The following TMTC3 variants were observed in gnomAD, a reference collection of about 807,000 sequenced individuals.
TMTC3 encodes the protein protein O-mannosyl-transferase TMTC3.
TMTC3 carries 52 observed loss-of-function variants against 92.2 expected under a neutral mutation model. The ratio of observed to expected loss-of-function variants is 0.56; its 90% CI spans 0.45 to 0.71. The LOEUF (loss-of-function observed/expected upper bound fraction) is 0.71, where lower values mean the gene tolerates loss of function less well. Ranked by LOEUF, TMTC3 falls within the 30% of genes least tolerant of loss-of-function variation. The pLI is 0.00. For missense variants in TMTC3, 896 were observed against 1,057.1 expected, an observed-to-expected ratio of 0.85 and a Z score of 2.11; for synonymous variants, 339 against 363.3, an observed-to-expected ratio of 0.93 and a Z score of 0.76.
chr12:88,171,121 AT>A (rs1192647072), intron 7 of TMTC3, among the ~76,000 whole-genome samples: 1 of 152,066 alleles, frequency 6.6e-6, no homozygotes, highest in Non-Finnish European at 1.5e-5. Context: ...ACGACACCTG[AT>A]TTCATTCCCT....
intron 7 of TMTC3, among the ~76,000 whole-genome samples, chr12:88,168,594 A>G (rs1183570997): frequency 6.6e-6 from 1 of 152,142 alleles, no homozygotes; most frequent in Non-Finnish European, 1.5e-5. Context: ...ACTTTTTTGA[A>G]TGCGGATATC....
At position 88,195,525 on chromosome 12, in the gene TMTC3, T is replaced by G; in HGVS notation, c.2621T>G (p.Leu874Ter). Residue 874 changes from leucine (L) to a stop codon, truncating the protein, a stop_gained, in exon 14 of 14, where the codon TTA (leucine) becomes TGA (stop). Coordinates refer to ENST00000266712, the MANE Select transcript of TMTC3 (RefSeq NM_181783.4). LOFTEE classifies it high-confidence loss of function. ...AGTCAGTCTAAATCCAACAAACAAT[T>G]AGGAAAAAATGGAGACGAAGAGACA... The part of the protein sequence containing the change: ...NKSQSKSNKQ[L>*]GKNGDEETPH... 1 of 1,612,520 alleles carries G rather than the reference T, an allele frequency of 6.2e-7. No homozygotes were observed. The highest frequency in any genetic ancestry group is 8.5e-7 in the Non-Finnish European group (1 of 1,179,484).
At chr12:88,178,896 T>C (rs2041287646) in intron 10 of TMTC3, among the ~76,000 whole-genome samples, 1 of 152,208 alleles carries the variant, frequency 6.6e-6, no homozygotes, top group Non-Finnish European at 1.5e-5. Context: ...TAAGTGTGTG[T>C]GGGGTGTGTG....
chr12:88,143,034 T>G lies in TMTC3; in HGVS notation c.-29+547T>G, dbSNP rs1345447202. 2.0e-5 allele frequency among the ~76,000 whole-genome samples: 3 copies of G among 152,106 alleles called. No homozygotes were observed. The East Asian group carries it at 5.8e-4, about 29-fold the overall frequency. On this transcript the variant is annotated intron_variant, in intron 1 of 13. Coordinates refer to ENST00000266712, the MANE Select transcript of TMTC3 (RefSeq NM_181783.4). ...GTTTACCACTCTTACTCGTGCAAGT[T>G]TTGCTCATCCTGCTCGTCTGCTCAC...
intron 6 of TMTC3, among the ~76,000 whole-genome samples, chr12:88,165,474 C>CATTTATAA (rs2041133330): frequency 1.3e-5 from 2 of 151,798 alleles, no homozygotes; most frequent in South Asian, 4.1e-4. Flanking sequence ...ATTATTTGTT[C>CATTTATAA]AAATAGTATT....
intron 2 of TMTC3, among the ~76,000 whole-genome samples, chr12:88,152,909 A>G (rs1240234093): frequency 6.6e-6 from 1 of 152,154 alleles, no homozygotes; most frequent in East Asian, 1.9e-4. Context: ...CAGTAGTTAC[A>G]TGAACTTTTG....
intron 10 of TMTC3, among the ~76,000 whole-genome samples, chr12:88,185,772 A>C (rs555365531): frequency 6.6e-6 from 1 of 151,972 alleles, no homozygotes; most frequent in African/African-American, 2.4e-5. Flanking sequence ...GATTCTGTCA[A>C]ATGCTTTTGT....
At chr12:88,174,474 A>T in intron 8 of TMTC3, 133 bp from the exon 9 acceptor site, 1 of 1,057,640 alleles carries the variant, frequency 9.5e-7, no homozygotes, top group Non-Finnish European at 1.3e-6. Flanking sequence ...GGTGTTCATT[A>T]GAATGAATTA....
chr12:88,175,799 T>C (rs1180151419), intron 9 of TMTC3, among the ~76,000 whole-genome samples: 1 of 152,298 alleles, frequency 6.6e-6, no homozygotes, highest in Non-Finnish European at 1.5e-5. Context: ...TCTCAGGTTT[T>C]CCATTACCAT....
chr12:88,147,775 A>G (rs2040893442), intron 1 of TMTC3, among the ~76,000 whole-genome samples: 1 of 151,988 alleles, frequency 6.6e-6, no homozygotes, highest in Non-Finnish European at 1.5e-5. Context: ...GGTGAAAAAA[A>G]AAAGATTTTT....
intron 2 of TMTC3, among the ~76,000 whole-genome samples, chr12:88,149,990 G>A (rs1015017707): frequency 5.3e-5 from 8 of 152,038 alleles, no homozygotes; most frequent in African/African-American, 1.9e-4. Flanking sequence ...ATAATGTTGA[G>A]GTTTTGAACT....
In TMTC3 at chr12:88,153,276, G is replaced by A. The variant is rs376826681; in HGVS notation, c.190-15G>A. 89 of 1,591,470 alleles carry A rather than the reference G, an allele frequency of 5.6e-5. No individual in the cohort carries two copies. The highest frequency in any genetic ancestry group is 9.4e-5 in the African/African-American group (7 of 74,170). On this transcript the variant is annotated splice_polypyrimidine_tract_variant and intron_variant, in intron 2 of 13. Coordinates refer to ENST00000266712, the MANE Select transcript of TMTC3 (RefSeq NM_181783.4). ...CAAGGTACTTTAATAATCACTGATC[G>A]TTTTTTCCTTGTAGGAGAGAAGCCA...
At chr12:88,147,818 T>C (rs78850032) in intron 1 of TMTC3, among the ~76,000 whole-genome samples, 1 of 152,154 alleles carries the variant, frequency 6.6e-6, no homozygotes, top group Non-Finnish European at 1.5e-5. Flanking sequence ...ACCTTTTTTA[T>C]TTCCAGAAGC....
At chr12:88,147,976 A>G (rs933784940) in intron 1 of TMTC3, among the ~76,000 whole-genome samples, 3 of 152,068 alleles carry the variant, frequency 2.0e-5, no homozygotes, top group Admixed American at 2.0e-4. Context: ...TTTCCCTGTT[A>G]TCAGAGACCC....
At position 88,199,371 on chromosome 12, in the gene TMTC3, TATATG is replaced by T. The variant is rs2041555635; in HGVS notation, c.*3727_*3731del. On this transcript the variant is annotated 3_prime_UTR_variant, in exon 14 of 14. Transcript: ENST00000266712. ...AAATTGTGAAGAGGATTTATATATTTATATGATATATTGTATATATTAATATATTT... is the reference window on the plus strand; with the variant it reads ...AAATTGTGAAGAGGATTTATATATTTATATATTGTATATATTAATATATTT... The T allele has an allele frequency of 6.7e-6, 1 of 150,092 alleles. No individual in the cohort carries two copies. The highest frequency in any genetic ancestry group is 6.6e-5 in the Admixed American group (1 of 15,134). The allele number at this position is 150,092 out of a possible 1,614,324, so 9.3% of individuals were successfully genotyped here. A position where few individuals can be genotyped will look rare whatever the true frequency, so the allele number is the denominator to read the frequency against.
chr12:88,184,046 G>C (rs2041348216), intron 10 of TMTC3, among the ~76,000 whole-genome samples: 1 of 152,048 alleles, frequency 6.6e-6, no homozygotes, highest in Non-Finnish European at 1.5e-5. Context: ...TGCCGAGTCT[G>C]TCCCACAGAC....
intron 10 of TMTC3, among the ~76,000 whole-genome samples, chr12:88,180,168 A>C (rs968590371): frequency 3.9e-5 from 6 of 152,076 alleles, no homozygotes; most frequent in Non-Finnish European, 5.9e-5. Flanking sequence ...AGCAGTTAAC[A>C]CTCGTATTCC....
intron 6 of TMTC3, among the ~76,000 whole-genome samples, chr12:88,162,976 C>CGCAA (rs935765165): frequency 3.3e-5 from 5 of 150,364 alleles, no homozygotes; most frequent in Non-Finnish European, 7.4e-5. Context: ...AGTGCAATGG[C>CGCAA]GCAATCTCGG....
chr12:88,145,886 C>T (rs2040867309), intron 1 of TMTC3, among the ~76,000 whole-genome samples: 1 of 152,112 alleles, frequency 6.6e-6, no homozygotes, highest in Non-Finnish European at 1.5e-5. Context: ...GAATTGAGAT[C>T]CCAAGTTTTA....
Sources: allele counts gnomAD v4.1 joint callset (sites outside exome capture counted in the v4.1 genomes callset), GRCh38; gene constraint gnomAD v4.1.1; transcripts MANE v1.5; gene names NCBI Gene and HGNC (gene_info 2026-07-23, HGNC 2026-07-21).